The following MBOAT2 variants were observed in gnomAD, a reference collection of about 807,000 sequenced individuals.
The protein encoded by MBOAT2 is membrane bound glycerophospholipid O-acyltransferase 2.
MBOAT2 carries 28 observed loss-of-function variants against 63.4 expected under a neutral mutation model. That is an observed-to-expected ratio of 0.44 (90% CI 0.33 to 0.61). MBOAT2 has a LOEUF of 0.61. Ranked by LOEUF, MBOAT2 falls within the 20% of genes least tolerant of loss-of-function variation. The pLI, the probability that MBOAT2 is intolerant of heterozygous loss-of-function variation, is 0.03. For missense variants in MBOAT2, 470 were observed against 605.8 expected, an observed-to-expected ratio of 0.78 and a Z score of 2.35; for synonymous variants, 211 against 215.6, an observed-to-expected ratio of 0.98 and a Z score of 0.19.
chr2:8,918,697 T>C (rs1666363403), intron 3 of MBOAT2, among the ~76,000 whole-genome samples: 3 of 152,224 alleles, frequency 2.0e-5, no homozygotes, highest in African/African-American at 7.2e-5. Flanking sequence ...GAACAGTGAA[T>C]TAAGGAGCTG....
chr2:8,984,504 T>G (rs1437453356), intron 1 of MBOAT2, among the ~76,000 whole-genome samples: 9 of 152,158 alleles, frequency 5.9e-5, no homozygotes, highest in Admixed American at 5.9e-4. Context: ...AGAAAGGGCA[T>G]GCAGGGAGCT....
chr2:8,963,664 A>G (rs974857140), intron 1 of MBOAT2, among the ~76,000 whole-genome samples: 32 of 152,380 alleles, frequency 2.1e-4, no homozygotes, highest in African/African-American at 7.5e-4. Context: ...ATAAATCTGT[A>G]TATTTTGATA....
At position 8,875,644 on chromosome 2, in the gene MBOAT2, T is replaced by C. The variant is rs554935316; in HGVS notation, c.690+1386A>G. ...ACTGACAGTCCAGCATCTTGACTCC[T>C]AGGCTTTTATTCTCCTTCCAGCATT... On this transcript the variant is annotated intron_variant, in intron 7 of 12. Transcript: ENST00000305997. 2.0e-5 allele frequency among the ~76,000 whole-genome samples: 3 copies of C among 152,356 alleles called. No individual in the cohort carries two copies. The East Asian group carries it at 5.8e-4, about 29-fold the overall frequency.
chr2:8,862,931 T>C lies in MBOAT2; in HGVS notation c.1053-209A>G, dbSNP rs909103229. 3.3e-5 allele frequency among the ~76,000 whole-genome samples: 5 copies of C among 152,194 alleles called. No homozygotes were observed. The highest frequency in any genetic ancestry group is 7.3e-5 in the Non-Finnish European group (5 of 68,042). ...AGGAACATAAAGTTAATTCTCATCT[T>C]CTTATTGGTATATATAGTATATATA... is the stretch of plus-strand genomic sequence containing the variant. On this transcript the variant is annotated intron_variant, in intron 10 of 12. Transcript: ENST00000305997. The surrounding 1 kb of genome is among the most constrained non-coding windows in gnomAD (Gnocchi z 4.3).
At chr2:8,979,749 G>A (rs956933160) in intron 1 of MBOAT2, among the ~76,000 whole-genome samples, 7 of 152,032 alleles carry the variant, frequency 4.6e-5, no homozygotes, top group African/African-American at 1.2e-4. Flanking sequence ...ACTATACAGC[G>A]ACATGTGGCA....
chr2:8,976,717 A>C (rs1670842400), intron 1 of MBOAT2, among the ~76,000 whole-genome samples: 1 of 152,156 alleles, frequency 6.6e-6, no homozygotes, highest in African/African-American at 2.4e-5. Flanking sequence ...CGACACGTTT[A>C]ATCTCTTAGG....
intron 4 of MBOAT2, among the ~76,000 whole-genome samples, chr2:8,893,380 A>T (rs1051856066): frequency 2.6e-5 from 4 of 152,216 alleles, no homozygotes; most frequent in African/African-American, 9.7e-5. Flanking sequence ...TGGACATAAG[A>T]GTCAGAACAC....
At chr2:8,887,765 C>G (rs1663665339) in intron 5 of MBOAT2, among the ~76,000 whole-genome samples, 1 of 152,158 alleles carries the variant, frequency 6.6e-6, no homozygotes, top group Admixed American at 6.5e-5. Flanking sequence ...GTCAAATTAT[C>G]ACTACTGTGG....
chr2:8,916,664 T>C (rs62104426), intron 3 of MBOAT2, among the ~76,000 whole-genome samples: 10,325 of 152,324 alleles, frequency 0.068, 379 homozygotes, highest in Middle Eastern at 0.095. Flanking sequence ...CAAATGAGTG[T>C]TTGTTTTAAC....
chr2:8,948,670 A>C (rs561288814), intron 2 of MBOAT2, among the ~76,000 whole-genome samples: 126 of 152,000 alleles, frequency 8.3e-4, no homozygotes, highest in Admixed American at 2.3e-3. Flanking sequence ...AAAGGGCATG[A>C]TTTCCTTCTT....
chr2:8,985,242 T>C (rs1361864329), intron 1 of MBOAT2, among the ~76,000 whole-genome samples: 1 of 152,180 alleles, frequency 6.6e-6, no homozygotes, highest in African/African-American at 2.4e-5. Context: ...ATCTACCTTT[T>C]ACCGTTTTTT....
At chr2:8,900,251 T>C (rs1296877550) in intron 4 of MBOAT2, among the ~76,000 whole-genome samples, 1 of 152,212 alleles carries the variant, frequency 6.6e-6, no homozygotes, top group Admixed American at 6.5e-5. Flanking sequence ...AGGGAATTTG[T>C]CCCTTTCTTC....
intron 3 of MBOAT2, among the ~76,000 whole-genome samples, chr2:8,930,969 C>T (rs760403948): frequency 1.3e-5 from 2 of 152,034 alleles, no homozygotes; most frequent in Non-Finnish European, 2.9e-5. Context: ...TTTTTTCTCT[C>T]GGTCTGCTCC....
intron 7 of MBOAT2, among the ~76,000 whole-genome samples, chr2:8,876,602 G>A (rs1052942416): frequency 6.6e-6 from 1 of 152,042 alleles, no homozygotes. Flanking sequence ...ATTAAGAAGA[G>A]GAGAGGGAAA....
intron 3 of MBOAT2, among the ~76,000 whole-genome samples, chr2:8,915,757 T>C (rs1219980660): frequency 5.3e-5 from 8 of 152,194 alleles, no homozygotes; most frequent in Admixed American, 6.5e-5. Flanking sequence ...TGTCTTCAAA[T>C]AGAAGAATAT....
intron 4 of MBOAT2, among the ~76,000 whole-genome samples, chr2:8,903,755 C>T (rs902063584): frequency 7.9e-5 from 12 of 152,104 alleles, no homozygotes; most frequent in South Asian, 6.2e-4. Flanking sequence ...GTCCTTCATC[C>T]GGGTTTCCTT....
chr2:8,915,313 G>A (rs1666090646), intron 3 of MBOAT2, among the ~76,000 whole-genome samples: 1 of 152,008 alleles, frequency 6.6e-6, no homozygotes, highest in African/African-American at 2.4e-5. Context: ...CCTGAAAAAA[G>A]GAAAACGGAC....
At chr2:8,900,665 G>A (rs1664855016) in intron 4 of MBOAT2, among the ~76,000 whole-genome samples, 1 of 152,174 alleles carries the variant, frequency 6.6e-6, no homozygotes, top group Admixed American at 6.5e-5. Flanking sequence ...GGGAGCTATA[G>A]GGAGGCTAGG....
At chr2:8,884,928 C>G (rs992061876) in intron 5 of MBOAT2, among the ~76,000 whole-genome samples, 2 of 152,134 alleles carry the variant, frequency 1.3e-5, no homozygotes, top group Admixed American at 1.3e-4. Flanking sequence ...GAAGTCTAAC[C>G]AAGTCCAAGT....
Sources: gnomAD v4.1 joint callset for allele counts (sites outside exome capture counted in the v4.1 genomes callset) on GRCh38, gnomAD v4.1.1 for gene constraint, Gnocchi (gnomAD v3.1) non-coding constraint, MANE v1.5 for transcripts, NCBI Gene and HGNC (gene_info 2026-07-23, HGNC 2026-07-21) for gene names.